Variants in DYNC1LI1 observed in about 807,000 individuals in gnomAD.
DYNC1LI1 encodes dynein cytoplasmic 1 light intermediate chain 1, also known as cytoplasmic dynein 1 light intermediate chain 1.
A neutral mutation model predicts 63.8 loss-of-function variants in DYNC1LI1; 19 were observed. That is an observed-to-expected ratio of 0.30 (90% CI 0.21 to 0.44). The LOEUF is 0.44. Among genes scored for constraint, DYNC1LI1 ranks in the 20% least tolerant of loss-of-function variants. The pLI is 1.00. For missense variants in DYNC1LI1, 565 were observed against 630.2 expected, an observed-to-expected ratio of 0.90 and a Z score of 1.11; for synonymous variants, 225 against 232.3, an observed-to-expected ratio of 0.97 and a Z score of 0.28.
intron 2 of DYNC1LI1, among the ~76,000 whole-genome samples, chr3:32,553,072 G>A (rs920632203): frequency 6.6e-6 from 1 of 152,132 alleles, no homozygotes; most frequent in Non-Finnish European, 1.5e-5. Flanking sequence ...CTATCAGCAG[G>A]GCATGGACCT....
At position 32,570,631 on chromosome 3, in the gene DYNC1LI1, T is replaced by C. The variant is rs751613831; in HGVS notation, c.140A>G (p.Asn47Ser). The change falls in exon 1 of 13, where the codon AAC becomes AGC. Residue 47 changes from asparagine (N) to serine (S), a missense_variant. By Grantham distance (46) the Asn-to-Ser change is conservative (BLOSUM62 1). Transcript: ENST00000273130. ...AAAGDDEDGQ[N>S]LWSCILSEVS... ...GGAGAGGTGGAGTCGTTACCAAAGG[T>C]TCTGCCCGTCCTCGTCGTCGCCTGC... 4 of 1,576,484 alleles carry C rather than the reference T, an allele frequency of 2.5e-6. No homozygotes were observed. The African/African-American group carries it at 5.4e-5, about 21-fold the overall frequency.
At chr3:32,533,961 C>T (rs1208166237) in intron 7 of DYNC1LI1, among the ~76,000 whole-genome samples, 3 of 147,468 alleles carry the variant, frequency 2.0e-5, no homozygotes, top group Non-Finnish European at 4.4e-5. Context: ...ACTGCAACTT[C>T]TGCCTCCCAG....
At chr3:32,550,260 C>T (rs986757414) in intron 2 of DYNC1LI1, among the ~76,000 whole-genome samples, 9 of 152,054 alleles carry the variant, frequency 5.9e-5, no homozygotes, top group Admixed American at 1.3e-4. Flanking sequence ...GGAGAAACCC[C>T]GTCTCTACTA....
intron 4 of DYNC1LI1, among the ~76,000 whole-genome samples, chr3:32,544,119 A>C (rs993344744): frequency 6.6e-6 from 1 of 152,148 alleles, no homozygotes; most frequent in Non-Finnish European, 1.5e-5. Flanking sequence ...AATGACTCAT[A>C]CAATTTTCAT....
intron 12 of DYNC1LI1, 132 bp downstream of exon 12, chr3:32,528,314 A>C: frequency 1.1e-6 from 1 of 917,592 alleles, no homozygotes; most frequent in Non-Finnish European, 1.7e-6. Flanking sequence ...CTAAAATCAG[A>C]TTATGGTGAT....
rs766866348 is a variant in DYNC1LI1, at chr3:32,570,778, G to A, written c.-8C>T. ...TCGCCCCACGGCCGCCATCTTGGTC[G>A]GGAATCACACCACTCCCGGCAAGAC... is the stretch of plus-strand genomic sequence containing the variant. On this transcript the variant is annotated 5_prime_UTR_variant, in exon 1 of 13. Coordinates refer to ENST00000273130, the MANE Select transcript of DYNC1LI1 (RefSeq NM_016141.4). 7 of 1,600,696 alleles carry A rather than the reference G, an allele frequency of 4.4e-6. No individual in the cohort carries two copies. Among genetic ancestry groups the A allele is most frequent in the Admixed American group, 1.7e-5 (1 of 58,978 alleles).
intron 1 of DYNC1LI1, 48 bp from the exon 2 acceptor site, chr3:32,570,467 C>A (rs1415150314): frequency 2.6e-6 from 4 of 1,534,850 alleles, no homozygotes; most frequent in Non-Finnish European, 3.5e-6. Context: ...GGAGCCGCAG[C>A]GCGGGAGGGA....
intron 2 of DYNC1LI1, among the ~76,000 whole-genome samples, chr3:32,568,280 C>A (rs1262396349): frequency 6.6e-6 from 1 of 152,144 alleles, no homozygotes; most frequent in Non-Finnish European, 1.5e-5. Flanking sequence ...TTTCCTCCAC[C>A]AGCACAGAGT....
intron 4 of DYNC1LI1, among the ~76,000 whole-genome samples, chr3:32,543,125 T>C (rs370052123): frequency 1.3e-5 from 2 of 152,174 alleles, no homozygotes; most frequent in Non-Finnish European, 2.9e-5. Flanking sequence ...ATACTGATAC[T>C]GGTGCTGCTG....
intron 5 of DYNC1LI1, among the ~76,000 whole-genome samples, chr3:32,540,689 A>C (rs1697868531): frequency 6.6e-6 from 1 of 151,926 alleles, no homozygotes; most frequent in African/African-American, 2.4e-5. Context: ...CTCAAAAAAA[A>C]AAAAAAAAAA....
At position 32,544,883 on chromosome 3, in the gene DYNC1LI1, T is replaced by G. The variant is rs1358566589; in HGVS notation, c.561A>C (p.Glu187Asp). The change falls in exon 4 of 13, where the codon GAA (glutamate) becomes GAC (aspartate). Residue 187 changes from glutamate to aspartate, a missense_variant. By Grantham distance (45) the Glu-to-Asp change is conservative. Coordinates refer to ENST00000273130, the MANE Select transcript of DYNC1LI1 (RefSeq NM_016141.4). ...TGTTTCTAGATTACTTACACTTTTGTTCCATTTGTTTCATTTCTTCAGGAG... is the reference window on the plus strand; with the variant it reads ...TGTTTCTAGATTACTTACACTTTTGGTCCATTTGTTTCATTTCTTCAGGAG... ...KIPPEEMKQM[E>D]QKLIRDFQEY... 1 of 1,605,018 alleles carries G rather than the reference T, an allele frequency of 6.2e-7. No homozygotes were observed. Among genetic ancestry groups the G allele is most frequent in the South Asian group, 1.1e-5 (1 of 90,902 alleles).
At chr3:32,570,243 G>A (rs778513867) in intron 2 of DYNC1LI1, 103 bp downstream of exon 2, 9 of 952,362 alleles carry the variant, frequency 9.5e-6, no homozygotes, top group Middle Eastern at 4.2e-4. Context: ...GGGCGGGGCT[G>A]GGCCGGCTGT....
In DYNC1LI1 at chr3:32,533,068, A is replaced by G. The variant is rs767797463; in HGVS notation, c.998T>C (p.Ile333Thr). Residue 333 changes from isoleucine to threonine, a missense_variant, in exon 8 of 13, where the codon ATA becomes ACA. By Grantham distance (89) the Ile-to-Thr change is moderately conservative. Coordinates refer to ENST00000273130, the MANE Select transcript of DYNC1LI1 (RefSeq NM_016141.4). ...IPAGWDNDKK[I>T]GILHENFQTL... Reference sequence around the variant, plus strand: ...TTGAAAATTTTCATGTAATATTCCTATTTTCTTATCATTATCCCACCCTGC... The same window carrying G: ...TTGAAAATTTTCATGTAATATTCCTGTTTTCTTATCATTATCCCACCCTGC... 6.2e-7 allele frequency: 1 copy of G among 1,602,996 alleles called. No individual in the cohort carries two copies. Among genetic ancestry groups the G allele is most frequent in the Non-Finnish European group, 8.5e-7 (1 of 1,177,608 alleles).
chr3:32,554,768 A>T (rs1440373230), intron 2 of DYNC1LI1, among the ~76,000 whole-genome samples: 2 of 152,140 alleles, frequency 1.3e-5, no homozygotes, highest in Admixed American at 6.6e-5. Flanking sequence ...TTATTTATTG[A>T]AACAAAATCT....
intron 2 of DYNC1LI1, among the ~76,000 whole-genome samples, chr3:32,562,121 T>C (rs1320429688): frequency 6.6e-6 from 1 of 151,864 alleles, no homozygotes; most frequent in Non-Finnish European, 1.5e-5. Flanking sequence ...AAAAAATAAT[T>C]AGCCAGGTAT....
chr3:32,535,631 A>G (rs958205761), intron 6 of DYNC1LI1, among the ~76,000 whole-genome samples: 25 of 152,204 alleles, frequency 1.6e-4, no homozygotes, highest in Admixed American at 1.3e-4. Context: ...ACTTTGCATT[A>G]ATGCTCTTCC....
chr3:32,559,607 G>C lies in DYNC1LI1; in HGVS notation c.220+10739C>G, dbSNP rs147335824. ...TAAAAACAGGAATTGTGAAAAATCAGTAGTCAAAGCAAAACAATTAAGAAC... is the reference window on the plus strand; with the variant it reads ...TAAAAACAGGAATTGTGAAAAATCACTAGTCAAAGCAAAACAATTAAGAAC... On this transcript the variant is annotated intron_variant, in intron 2 of 12. Coordinates refer to ENST00000273130, the MANE Select transcript of DYNC1LI1 (RefSeq NM_016141.4). 9.9e-4 allele frequency among the ~76,000 whole-genome samples: 150 copies of C among 152,236 alleles called. 2 individuals carry two copies. In the East Asian group the frequency reaches 0.026, roughly 26 times the overall value.
chr3:32,566,879 A>AAG (rs1698267749), intron 2 of DYNC1LI1: 1 of 275,626 alleles, frequency 3.6e-6, no homozygotes, highest in Non-Finnish European at 7.2e-6. Context: ...CATGTGCAAG[A>AAG]AGTCCTACCT....
intron 2 of DYNC1LI1, among the ~76,000 whole-genome samples, chr3:32,564,910 ATC>A (rs1295509932): frequency 6.6e-6 from 1 of 152,158 alleles, no homozygotes; most frequent in Non-Finnish European, 1.5e-5. Flanking sequence ...CTCTTAACAG[ATC>A]TCTGAATTCC....
Sources: gnomAD v4.1 joint callset for allele counts (sites outside exome capture counted in the v4.1 genomes callset) on GRCh38, gnomAD v4.1.1 for gene constraint, MANE v1.5 for transcripts, NCBI Gene and HGNC (gene_info 2026-07-23, HGNC 2026-07-21) for gene names.